Variants in RBPJ observed in about 807,000 individuals in gnomAD.
RBPJ encodes the protein recombining binding protein suppressor of hairless.
RBPJ carries 9 observed loss-of-function variants against 67.8 expected under a neutral mutation model. The ratio of observed to expected loss-of-function variants is 0.13; its 90% CI spans 0.08 to 0.23. RBPJ has a LOEUF of 0.23. RBPJ is among the 10% of genes least tolerant of loss of function. The pLI, the probability that RBPJ is intolerant of heterozygous loss-of-function variation, is 1.00. For synonymous variants in RBPJ, 198 were observed against 203.3 expected (o/e 0.97, Z 0.22); for missense variants, 305 against 595.6 (o/e 0.51, Z 5.08).
chr4:26,344,539 A>C (rs539017738), intron 1 of RBPJ, among the ~76,000 whole-genome samples: 43 of 152,276 alleles, frequency 2.8e-4, no homozygotes, highest in African/African-American at 1.0e-3. Flanking sequence ...CCGGCTGCTA[A>C]CTATAATTAT....
At chr4:26,114,478 C>CATATATATATATATATATAT in the RBPJ span, among the ~76,000 whole-genome samples, 89 of 123,092 alleles carry the variant, frequency 7.2e-4, 1 homozygote, top group Middle Eastern at 9.0e-3. Context: ...AAAGAATGTA[C>CATATATATATATATATATAT]ATATATATAT....
intron 1 of RBPJ, among the ~76,000 whole-genome samples, chr4:26,346,622 C>T (rs994909401): frequency 2.0e-5 from 3 of 152,202 alleles, no homozygotes; most frequent in Non-Finnish European, 2.9e-5. Flanking sequence ...GAAAACCTTA[C>T]TGAGGACTTC....
At chr4:26,237,133 C>T (rs1719477748) in intron 1 of RBPJ, among the ~76,000 whole-genome samples, 2 of 152,090 alleles carry the variant, frequency 1.3e-5, no homozygotes, top group South Asian at 4.1e-4. Context: ...CTGGCAGACT[C>T]GATAGCTCTG....
rs1332569986 is a variant in RBPJ at position 26,289,702 on chromosome 4, C to G, written c.-166-72744C>G. 1.3e-5 allele frequency among the ~76,000 whole-genome samples: 2 copies of G among 150,704 alleles called. 1 individual carries two copies. The highest frequency in any genetic ancestry group is 3.0e-5 in the Non-Finnish European group (2 of 67,610). On this transcript the variant is annotated intron_variant, in intron 1 of 4. Coordinates refer to the RBPJ transcript ENST00000512351. ...TACTCATATTAACCCTGAATGTAAA[C>G]AGAGGACACACCTCACCTGTAAGTT...
intron 1 of RBPJ, among the ~76,000 whole-genome samples, chr4:26,322,670 T>G (rs898634719): frequency 8.9e-6 from 1 of 112,876 alleles, no homozygotes; most frequent in East Asian, 2.3e-4. Context: ...ATTATATATA[T>G]ATATACACAC....
At chr4:26,412,086 G>A (rs1336773162) in intron 3 of RBPJ, among the ~76,000 whole-genome samples, 3 of 144,734 alleles carry the variant, frequency 2.1e-5, no homozygotes, top group Non-Finnish European at 4.5e-5. Flanking sequence ...CTGCACTCCA[G>A]CCTGGGTGAC....
intron 1 of RBPJ, among the ~76,000 whole-genome samples, chr4:26,359,413 ATTT>A: frequency 7.7e-6 from 1 of 129,078 alleles, no homozygotes; most frequent in African/African-American, 2.9e-5. Flanking sequence ...TAACACCTTC[ATTT>A]TTTTTTTTTT....
chr4:26,261,502 A>G (rs536315757), intron 1 of RBPJ, among the ~76,000 whole-genome samples: 2 of 152,326 alleles, frequency 1.3e-5, no homozygotes, highest in Admixed American at 6.5e-5. Context: ...AATATCGGAT[A>G]AAGGGGAAGA....
intron 1 of RBPJ, among the ~76,000 whole-genome samples, chr4:26,353,310 C>T (rs1269364511): frequency 6.6e-6 from 1 of 152,210 alleles, no homozygotes; most frequent in Admixed American, 6.5e-5. Flanking sequence ...TACATTGTAT[C>T]AGAACAAACT....
At chr4:26,284,817 T>TC (rs1721407199) in intron 1 of RBPJ, among the ~76,000 whole-genome samples, 2 of 151,916 alleles carry the variant, frequency 1.3e-5, no homozygotes, top group Non-Finnish European at 2.9e-5. Context: ...CAACAACCAG[T>TC]CTGTTGTGTG....
intron 1 of RBPJ, among the ~76,000 whole-genome samples, chr4:26,225,846 A>AG (rs1279672768): frequency 8.5e-5 from 13 of 152,098 alleles, no homozygotes; most frequent in Admixed American, 3.3e-4. Context: ...GCTACTAAAT[A>AG]GGGGGAAAAA....
chr4:26,242,446 CA>C (rs111654269), intron 1 of RBPJ, among the ~76,000 whole-genome samples: 34,634 of 111,692 alleles, frequency 0.31, 4,092 homozygotes, highest in African/African-American at 0.38. Flanking sequence ...GACTCTGTCT[CA>C]AAAAAAAAAA....
the RBPJ span, chr4:26,112,544 CTTTTTTTTTTTTT>C: frequency 9.8e-6 from 1 of 102,290 alleles, no homozygotes; most frequent in Non-Finnish European, 1.8e-5. Context: ...AGGAGGCAGC[CTTTTTTTTTTTTT>C]TTTTTTTTTT....
At chr4:26,426,948 A>C (rs1219155129) in intron 7 of RBPJ, among the ~76,000 whole-genome samples, 1 of 152,176 alleles carries the variant, frequency 6.6e-6, no homozygotes, top group South Asian at 2.1e-4. Context: ...TTATCTCTGC[A>C]TGTTAGAAGG....
chr4:26,122,265 C>T, the RBPJ span, among the ~76,000 whole-genome samples: 1 of 152,144 alleles, frequency 6.6e-6, no homozygotes, highest in Admixed American at 6.5e-5. Flanking sequence ...CAAGCCATAT[C>T]TGATGTGAGT....
chr4:26,407,768 G>T (rs192627971), intron 3 of RBPJ, among the ~76,000 whole-genome samples: 9 of 151,798 alleles, frequency 5.9e-5, no homozygotes, highest in African/African-American at 1.9e-4. Context: ...ATGCTTAAGA[G>T]AAGGGAAATG....
chr4:26,153,188 A>G, the RBPJ span, among the ~76,000 whole-genome samples: 2 of 152,230 alleles, frequency 1.3e-5, no homozygotes, highest in Non-Finnish European at 2.9e-5. Context: ...CATGTGGACA[A>G]TCTGTGGTTA....
chr4:26,289,122 C>G (rs927000905), intron 1 of RBPJ, among the ~76,000 whole-genome samples: 1 of 150,504 alleles, frequency 6.6e-6, no homozygotes, highest in African/African-American at 2.4e-5. Context: ...TAGGGCTGGG[C>G]CTGGTGGCTC....
chr4:26,117,578 TTTACTGTCTATTCTGAAAGGGCAGTGTA>T, the RBPJ span, among the ~76,000 whole-genome samples: 4 of 152,158 alleles, frequency 2.6e-5, no homozygotes, highest in African/African-American at 9.7e-5. Context: ...CTTCATGGAC[TTTACTGTCTATTCTGAAAGGGCAGTGTA>T]GCATATAGCA....
Sources: gnomAD v4.1 joint callset for allele counts (sites outside exome capture counted in the v4.1 genomes callset) on GRCh38, gnomAD v4.1.1 for gene constraint, MANE v1.5 for transcripts, NCBI Gene and HGNC (gene_info 2026-07-23, HGNC 2026-07-21) for gene names.